Variants in FGD3 observed in about 807,000 individuals in gnomAD.
FGD3 encodes FYVE, RhoGEF and PH domain-containing protein 3.
Under a neutral mutation model 71.8 loss-of-function variants are expected in FGD3, and 45 were observed. That is an observed-to-expected ratio of 0.63 (90% confidence interval 0.49 to 0.80). The LOEUF (loss-of-function observed/expected upper bound fraction) is 0.80, where lower values mean the gene tolerates loss of function less well. Among genes scored for constraint, FGD3 ranks in the 30% least tolerant of loss-of-function variants. FGD3 has a pLI of 0.00. For missense variants in FGD3, 844 were observed against 951.5 expected (o/e 0.89, Z 1.49); for synonymous variants, 378 against 392.8 (o/e 0.96, Z 0.44).
intron 9 of FGD3, 113 bp from the exon 10 acceptor site, chr9:93,015,624 C>T: frequency 1.5e-6 from 1 of 657,524 alleles, no homozygotes; most frequent in Non-Finnish European, 2.7e-6. Context: ...AAATATTTTT[C>T]ACTTTATAAC....
At chr9:93,008,566 G>C (rs551141340) in intron 6 of FGD3, among the ~76,000 whole-genome samples, 2 of 152,148 alleles carry the variant, frequency 1.3e-5, no homozygotes, top group Non-Finnish European at 2.9e-5. Context: ...TTCTCCCTGC[G>C]TCCTGCCCGG....
intron 1 of FGD3, among the ~76,000 whole-genome samples, chr9:92,955,096 A>G (rs918236255): frequency 1.3e-5 from 2 of 152,140 alleles, no homozygotes; most frequent in Non-Finnish European, 2.9e-5. Context: ...CCGTGAGGGT[A>G]GGGAGAGGTG....
chr9:92,977,597 G>A (rs1199319177), intron 3 of FGD3, among the ~76,000 whole-genome samples: 1 of 152,110 alleles, frequency 6.6e-6, no homozygotes, highest in African/African-American at 2.4e-5. Flanking sequence ...TTCAATGGAG[G>A]CTTTATTATC....
At position 93,018,224 on chromosome 9, in the gene FGD3, C is replaced by G. The variant is rs189715771; in HGVS notation, c.1355+9C>G. On this transcript the variant is annotated intron_variant, in intron 11 of 17. Coordinates refer to ENST00000375482, the MANE Select transcript of FGD3 (RefSeq NM_001083536.2). ...CTGGAGCTGCAGACGCGGTATGGAACGGGCTGTTTCTAGTGAATGTCTTTG... is the reference window on the plus strand; with the variant it reads ...CTGGAGCTGCAGACGCGGTATGGAAGGGGCTGTTTCTAGTGAATGTCTTTG... The G allele has an allele frequency of 5.3e-5, 85 of 1,610,978 alleles. No homozygotes were observed. Among genetic ancestry groups the G allele is most frequent in the Non-Finnish European group, 7.1e-5 (84 of 1,177,304 alleles).
intron 1 of FGD3, among the ~76,000 whole-genome samples, chr9:92,957,416 AATC>A (rs1170892354): frequency 1.3e-5 from 2 of 152,324 alleles, no homozygotes; most frequent in East Asian, 3.9e-4. Flanking sequence ...ATGGGGCTGT[AATC>A]ATTCCTCAGT....
chr9:93,021,639 C>A (rs896021350), intron 13 of FGD3, among the ~76,000 whole-genome samples: 2 of 152,170 alleles, frequency 1.3e-5, no homozygotes, highest in Admixed American at 1.3e-4. Context: ...TGCCCCAACT[C>A]TCGCCGCCTG....
intron 1 of FGD3, among the ~76,000 whole-genome samples, chr9:92,971,193 G>T (rs1405893783): frequency 6.6e-6 from 1 of 152,148 alleles, no homozygotes; most frequent in Non-Finnish European, 1.5e-5. Flanking sequence ...TGTGTGAATT[G>T]GGGGGTACCG....
chr9:92,996,198 A>G (rs75690004), intron 3 of FGD3, among the ~76,000 whole-genome samples: 82,689 of 151,878 alleles, frequency 0.54, 23,101 homozygotes, highest in African/African-American at 0.65. Flanking sequence ...TTCCTGGTTT[A>G]GTCTTGGGAG....
intron 10 of FGD3, among the ~76,000 whole-genome samples, chr9:93,016,813 G>A (rs919155646): frequency 1.3e-5 from 2 of 151,070 alleles, no homozygotes; most frequent in African/African-American, 4.9e-5. Context: ...TAGTAGAGAC[G>A]GGGTTTCACC....
At chr9:92,948,340 G>A (rs112571999) in intron 1 of FGD3, among the ~76,000 whole-genome samples, 1,915 of 152,318 alleles carry the variant, frequency 0.013, 33 homozygotes, top group African/African-American at 0.044. Flanking sequence ...GAGCTGCTAG[G>A]CAGAAGTTTG....
intron 14 of FGD3, among the ~76,000 whole-genome samples, chr9:93,028,110 A>C (rs576086509): frequency 2.6e-5 from 4 of 151,950 alleles, no homozygotes; most frequent in Admixed American, 1.3e-4. Context: ...GACCCATACA[A>C]GTGGGGATAA....
chr9:93,016,635 C>G (rs1861706721), intron 10 of FGD3, among the ~76,000 whole-genome samples: 2 of 149,676 alleles, frequency 1.3e-5, no homozygotes, highest in Admixed American at 1.3e-4. Context: ...CGCACCCAGC[C>G]TAGTCAGTCA....
chr9:92,970,652 G>A lies in FGD3; in HGVS notation c.-217-4586G>A, dbSNP rs74721584. 4.3e-3 allele frequency among the ~76,000 whole-genome samples: 660 copies of A among 152,356 alleles called. 7 individuals carry two copies. Among genetic ancestry groups the A allele is most frequent in the African/African-American group, 0.015 (634 of 41,582 alleles). On this transcript the variant is annotated intron_variant, in intron 1 of 17. Transcript: ENST00000375482. ...GTTTCAGGAGGGACCTATTTTGCTC[G>A]ATGGGGAGTGACACATGACTGTGTT...
At position 93,003,096 on chromosome 9, in the gene FGD3, A is replaced by G. The variant is rs959016873; in HGVS notation, c.543+82A>G. The G allele has an allele frequency of 5.4e-6, 7 of 1,304,580 alleles. No individual in the cohort carries two copies. The African/African-American group carries it at 1.0e-4, about 19-fold the overall frequency. The allele number at this position is 1,304,580 out of a possible 1,614,324, so 80.8% of individuals were successfully genotyped here. ...TAGGTGCAGTGTGAATGACTTAAAT[A>G]CTAAAACTCAGACAAATTTAAGTCT... On this transcript the variant is annotated intron_variant, in intron 4 of 17. Coordinates refer to ENST00000375482, the MANE Select transcript of FGD3 (RefSeq NM_001083536.2). This position sits in a 1 kb window ranked among gnomAD's most constrained non-coding sequence, Gnocchi z 4.1.
At chr9:92,978,421 A>T in intron 3 of FGD3, among the ~76,000 whole-genome samples, 1 of 16,034 alleles carries the variant, frequency 6.2e-5, no homozygotes, top group Middle Eastern at 0.1. Flanking sequence ...CCACCCCCCC[A>T]CCCCACCCCC....
chr9:92,977,721 G>T (rs1287317036), intron 3 of FGD3, among the ~76,000 whole-genome samples: 2 of 152,174 alleles, frequency 1.3e-5, no homozygotes, highest in African/African-American at 4.8e-5. Context: ...GGAAGCCCAG[G>T]GTCAGTCAGA....
At chr9:92,952,233 AT>A (rs35969028) in intron 1 of FGD3, among the ~76,000 whole-genome samples, 6,960 of 127,742 alleles carry the variant, frequency 0.054, 146 homozygotes, top group Admixed American at 0.069. Flanking sequence ...TTGAAAGTCA[AT>A]TTTTTTTTTT....
At chr9:92,955,668 G>A (rs1304226805) in intron 1 of FGD3, among the ~76,000 whole-genome samples, 1 of 152,124 alleles carries the variant, frequency 6.6e-6, no homozygotes, top group Non-Finnish European at 1.5e-5. Context: ...CTTGACACTG[G>A]TACAGTCAAG....
chr9:93,035,317 C>T, intron 17 of FGD3, 21 bp from the exon 18 acceptor site: 1 of 1,601,922 alleles, frequency 6.2e-7, no homozygotes, highest in Non-Finnish European at 8.5e-7. Flanking sequence ...GCCCCGCTGA[C>T]CATCTGCTCC....
Sources: allele counts gnomAD v4.1 joint callset (sites outside exome capture counted in the v4.1 genomes callset), GRCh38; gene constraint gnomAD v4.1.1; non-coding constraint Gnocchi (gnomAD v3.1); transcripts MANE v1.5; gene names NCBI Gene and HGNC (gene_info 2026-07-23, HGNC 2026-07-21).